Variants in SLC35E4 observed in about 807,000 individuals in gnomAD.
SLC35E4 encodes the protein solute carrier family 35 member E4.
SLC35E4 carries 15 observed loss-of-function variants against 19.3 expected under a neutral mutation model. The ratio of observed to expected loss-of-function variants is 0.78; its 90% CI spans 0.52 to 1.20. The LOEUF is 1.20. Ranked by LOEUF, SLC35E4 falls within the 50% of genes most tolerant of loss-of-function variation. The pLI is 0.00. For synonymous variants in SLC35E4, 219 were observed against 219.9 expected (o/e 1.00, Z 0.04); for missense variants, 406 against 472.3 (o/e 0.86, Z 1.30).
At chr22:30,663,796 G>A (rs777292680), downstream of SLC35E4, 10 of 1,614,210 alleles carry the variant, frequency 6.2e-6, no homozygotes, top group South Asian at 1.1e-5. Context: ...TCAGCCACAG[G>A]TACCTGCATG....
At chr22:30,658,813 C>T (rs2088397635) in intron 2 of SLC35E4, among the ~76,000 whole-genome samples, 1 of 152,092 alleles carries the variant, frequency 6.6e-6, no homozygotes, top group South Asian at 2.1e-4. Flanking sequence ...GGGGCATAAG[C>T]TTAGGACTGT....
Position 30,636,492 on chromosome 22 carries a change from C to A in SLC35E4, c.42C>A (p.Thr14=). Residue 14 remains threonine, a synonymous_variant, in exon 1 of 2, where the codon ACC becomes ACA. Transcript: ENST00000343605. ...CGGAGCACCATGATGGCAGGATGACCTCAGCCGAAGTAGGAGCAGCAGCTG... is the reference window on the plus strand; with the variant it reads ...CGGAGCACCATGATGGCAGGATGACATCAGCCGAAGTAGGAGCAGCAGCTG... The part of the protein sequence containing the change: ...CPPEHHDGRM[T]SAEVGAAAGG... 6.5e-7 allele frequency: 1 copy of A among 1,529,330 alleles called. No individual in the cohort carries two copies. Among genetic ancestry groups the A allele is most frequent in the Non-Finnish European group, 8.8e-7 (1 of 1,133,162 alleles). The allele number at this position is 1,529,330 out of a possible 1,614,324, so 94.7% of individuals were successfully genotyped here.
chr22:30,649,133 A>T (rs764329157), downstream of SLC35E4: 3 of 715,174 alleles, frequency 4.2e-6, no homozygotes, highest in Non-Finnish European at 7.8e-6. Flanking sequence ...TGCTCTGCCC[A>T]CCTGACTGGG....
chr22:30,639,096 G>T (rs536909650), intron 1 of SLC35E4, among the ~76,000 whole-genome samples: 114 of 152,300 alleles, frequency 7.5e-4, no homozygotes, highest in African/African-American at 2.7e-3. Context: ...TTTCACGTAG[G>T]TTCTTTTCTG....
At chr22:30,637,766 G>C (rs1032326418) in intron 1 of SLC35E4, among the ~76,000 whole-genome samples, 1 of 152,180 alleles carries the variant, frequency 6.6e-6, no homozygotes, top group Non-Finnish European at 1.5e-5. Context: ...CCTGGGCCAC[G>C]TGGCCAGTGA....
At chr22:30,654,541 C>T (rs1438448021) in intron 2 of SLC35E4, 3 of 438,406 alleles carry the variant, frequency 6.8e-6, no homozygotes, top group African/African-American at 4.1e-5. Context: ...CTTGGTCTCG[C>T]GGGGCAGCAT....
downstream of SLC35E4, among the ~76,000 whole-genome samples, chr22:30,664,256 C>A: frequency 6.6e-6 from 1 of 152,286 alleles, no homozygotes; most frequent in African/African-American, 2.4e-5. Flanking sequence ...CTCTCCAAAC[C>A]CACAGTCAGA....
chr22:30,663,299 A>G, exon 3 of SLC35E4: 1 of 820,880 alleles, frequency 1.2e-6, no homozygotes, highest in South Asian at 1.9e-5. Context: ...AGCTACAGCA[A>G]CTCTTTTTTG....
chr22:30,641,432 T>C (rs1201218545), intron 1 of SLC35E4, among the ~76,000 whole-genome samples: 1 of 152,224 alleles, frequency 6.6e-6, no homozygotes, highest in African/African-American at 2.4e-5. Context: ...GATCACCACC[T>C]GGTTACCTGT....
Position 30,636,962 on chromosome 22 carries a change from G to C in SLC35E4, c.512G>C (p.Cys171Ser). 6.2e-7 allele frequency: 1 copy of C among 1,611,710 alleles called. No homozygotes were observed. Among genetic ancestry groups the C allele is most frequent in the Non-Finnish European group, 8.5e-7 (1 of 1,179,012 alleles). Residue 171 changes from cysteine (C) to serine (S), a missense_variant, in exon 1 of 2, where the codon TGC becomes TCC. Physicochemically the swap from Cys to Ser is moderately radical, Grantham distance 112. Coordinates refer to ENST00000343605, the MANE Select transcript of SLC35E4 (RefSeq NM_001001479.4). ...CAGTTGGCCGCCATGGGTCCGCTCTGCCTGGGGGCCGCCTGCAGCCTGGCT... is the reference window on the plus strand; with the variant it reads ...CAGTTGGCCGCCATGGGTCCGCTCTCCCTGGGGGCCGCCTGCAGCCTGGCT... ...PLQLAAMGPL[C>S]LGAACSLAGE...
downstream of SLC35E4, among the ~76,000 whole-genome samples, chr22:30,666,143 T>C (rs2088648792): frequency 6.6e-6 from 1 of 152,200 alleles, no homozygotes; most frequent in African/African-American, 2.4e-5. Flanking sequence ...TAAGGAATGT[T>C]CTGGATCCTC....
rs1156872725 is a variant in SLC35E4 at position 30,636,382 on chromosome 22, C to T, written c.-69C>T. 2.8e-6 allele frequency: 4 copies of T among 1,434,174 alleles called. No homozygotes were observed. The highest frequency in any genetic ancestry group is 2.9e-5 in the South Asian group (2 of 68,360). The allele number at this position is 1,434,174 out of a possible 1,614,324, so 88.8% of individuals were successfully genotyped here. A position where few individuals can be genotyped will look rare whatever the true frequency, so the allele number is the denominator to read the frequency against. On this transcript the variant is annotated 5_prime_UTR_variant, in exon 1 of 2. Transcript: ENST00000343605. The stretch of plus-strand genomic sequence containing the variant: ...AACCAGGATCTAGCCTGGCCCCAAG[C>T]GGAACTCTCTGGTGGCCCAGAGGTC...
At chr22:30,648,329 C>G (rs1170421569), downstream of SLC35E4, among the ~76,000 whole-genome samples, 1 of 152,178 alleles carries the variant, frequency 6.6e-6, no homozygotes, top group Non-Finnish European at 1.5e-5. Context: ...GATACCAGGC[C>G]TGCTCACTGA....
At chr22:30,651,417 ATATATATATATTTTTTTTTTTTTTT>A (rs1398023508), downstream of SLC35E4, among the ~76,000 whole-genome samples, 127 of 66,492 alleles carry the variant, frequency 1.9e-3, 2 homozygotes, top group Middle Eastern at 0.032. Flanking sequence ...ATATATATAT[ATATATATATATTTTTTTTTTTTTTT>A]TTTTTTTTTT....
chr22:30,648,943 A>T (rs2088173034), downstream of SLC35E4, among the ~76,000 whole-genome samples: 1 of 152,158 alleles, frequency 6.6e-6, no homozygotes, highest in Admixed American at 6.5e-5. Context: ...AACCTAAGAC[A>T]GGAGTCCCAA....
chr22:30,665,628 C>T (rs1235793174), downstream of SLC35E4: 6 of 453,274 alleles, frequency 1.3e-5, no homozygotes, highest in Admixed American at 2.4e-5. Flanking sequence ...CTGCTCCAGG[C>T]TTTCTTAGCC....
At chr22:30,668,771 A>G (rs1193941668) in exon 3 of SLC35E4, 1 of 151,780 alleles carries the variant, frequency 6.6e-6, no homozygotes, top group Non-Finnish European at 1.5e-5. Flanking sequence ...CCAATTACCC[A>G]CGCTCCTTTC....
chr22:30,652,443 A>G (rs181850843), downstream of SLC35E4: 1 of 152,360 alleles, frequency 6.6e-6, no homozygotes, highest in East Asian at 1.9e-4. Flanking sequence ...CCTAGGCAAG[A>G]AAGAGGTCTG....
chr22:30,638,658 A>G (rs2087989602), intron 1 of SLC35E4, among the ~76,000 whole-genome samples: 2 of 149,442 alleles, frequency 1.3e-5, no homozygotes, highest in African/African-American at 4.9e-5. Context: ...CTGAAAATAC[A>G]AAAATTAGCT....
Sources: gnomAD v4.1 joint callset for allele counts (sites outside exome capture counted in the v4.1 genomes callset) on GRCh38, gnomAD v4.1.1 for gene constraint, MANE v1.5 for transcripts, NCBI Gene and HGNC (gene_info 2026-07-23, HGNC 2026-07-21) for gene names.